The following DAP variants were observed in gnomAD, a reference collection of about 807,000 sequenced individuals.
DAP encodes death-associated protein 1.
Under a neutral mutation model 13.8 loss-of-function variants are expected in DAP, and 8 were observed. The observed-to-expected ratio is 0.58, with a 90% CI of 0.34 to 1.05. The LOEUF (loss-of-function observed/expected upper bound fraction) is 1.05, where lower values mean the gene tolerates loss of function less well. Ranked by LOEUF, DAP falls within the 50% of genes least tolerant of loss-of-function variation. The probability of loss-of-function intolerance (pLI) is 0.03; values close to 1 mark genes in which losing one functional copy is unlikely to be tolerated. For missense variants in DAP, 106 were observed against 133.2 expected, an observed-to-expected ratio of 0.80 and a Z score of 1.01; for synonymous variants, 47 against 47.5, an observed-to-expected ratio of 0.99 and a Z score of 0.04.
At chr5:10,697,571 G>A (rs1355296526) in intron 2 of DAP, among the ~76,000 whole-genome samples, 2 of 152,092 alleles carry the variant, frequency 1.3e-5, no homozygotes, top group Non-Finnish European at 2.9e-5. Context: ...TCAGGCTCAA[G>A]GGTCATGTTA....
At chr5:10,744,912 G>A (rs1307925300) in intron 2 of DAP, among the ~76,000 whole-genome samples, 2 of 152,164 alleles carry the variant, frequency 1.3e-5, no homozygotes, top group Non-Finnish European at 2.9e-5. Context: ...GTGTGCCCTC[G>A]GAAAAGTCAC....
chr5:10,713,683 G>A (rs1045347606), intron 2 of DAP, among the ~76,000 whole-genome samples: 1 of 152,210 alleles, frequency 6.6e-6, no homozygotes, highest in African/African-American at 2.4e-5. Context: ...AGAGGCTGAG[G>A]TAAAGCTGGA....
Position 10,761,144 on chromosome 5 carries a change from G to A in DAP, c.-76C>T, listed in dbSNP as rs909917101. The A allele has an allele frequency of 4.6e-6, 4 of 871,490 alleles. No homozygotes were observed. The African/African-American group carries it at 5.4e-5, about 12-fold the overall frequency. 54.0% of individuals were successfully genotyped at this position (871,490 alleles called of 1,614,324 possible). On this transcript the variant is annotated 5_prime_UTR_variant, in exon 1 of 4. Coordinates refer to ENST00000230895, the MANE Select transcript of DAP (RefSeq NM_004394.3). ...GGGCGGGCGTGCGCGAGTGAGCTCAGGTGTGAGCGCCGGGGAGCGAGCGGG... is the reference window on the plus strand; with the variant it reads ...GGGCGGGCGTGCGCGAGTGAGCTCAAGTGTGAGCGCCGGGGAGCGAGCGGG...
chr5:10,695,180 C>T (rs1364799024), intron 2 of DAP, among the ~76,000 whole-genome samples: 1 of 152,210 alleles, frequency 6.6e-6, no homozygotes, highest in Non-Finnish European at 1.5e-5. Context: ...GTGTGACAGT[C>T]GAGGCTGTCT....
intron 2 of DAP, among the ~76,000 whole-genome samples, chr5:10,735,869 G>A (rs1739597886): frequency 6.6e-6 from 1 of 152,210 alleles, no homozygotes; most frequent in Non-Finnish European, 1.5e-5. Flanking sequence ...CTTGCTTGTT[G>A]TGGGTTGAAT....
chr5:10,705,983 G>C (rs967357437), intron 2 of DAP, among the ~76,000 whole-genome samples: 4 of 152,198 alleles, frequency 2.6e-5, no homozygotes, highest in Admixed American at 2.6e-4. Flanking sequence ...ATTTTAGGTA[G>C]ATGAGAAAGA....
In DAP at chr5:10,707,480, G is replaced by A. The variant is rs965410120; in HGVS notation, c.153-23909C>T. Among the ~76,000 whole-genome samples, 7 of 151,944 alleles carry A rather than the reference G, an allele frequency of 4.6e-5. No homozygotes were observed. Among genetic ancestry groups the A allele is most frequent in the African/African-American group, 1.7e-4 (7 of 41,342 alleles). On this transcript the variant is annotated intron_variant, in intron 2 of 3. Transcript: ENST00000230895. This position sits in a 1 kb window ranked among gnomAD's most constrained non-coding sequence, Gnocchi z 4.0. ...TGGTGTGATGCACGGGTGATGTGGT[G>A]CATAAACTATGTGGTGCACAGGCAG...
At chr5:10,689,978 G>C (rs1002942518) in intron 2 of DAP, among the ~76,000 whole-genome samples, 8 of 152,268 alleles carry the variant, frequency 5.3e-5, no homozygotes, top group Admixed American at 2.6e-4. Flanking sequence ...CAACATGAAG[G>C]CCTGAGACTT....
At chr5:10,734,946 G>C (rs1214552585) in intron 2 of DAP, among the ~76,000 whole-genome samples, 1 of 152,154 alleles carries the variant, frequency 6.6e-6, no homozygotes, top group East Asian at 1.9e-4. Context: ...CCGGCCTCCT[G>C]GTCCTGAGAG....
chr5:10,760,978 C>T (rs1341979034), intron 1 of DAP, 36 bp downstream of exon 1: 1 of 1,202,556 alleles, frequency 8.3e-7, no homozygotes. Context: ...CCGCCCCCGG[C>T]ACCCGCGCGT....
intron 2 of DAP, among the ~76,000 whole-genome samples, chr5:10,724,219 G>A (rs190026824): frequency 2.6e-5 from 4 of 152,144 alleles, no homozygotes; most frequent in Admixed American, 6.6e-5. Flanking sequence ...AATGCAGATG[G>A]CCTCAGTGAG....
At position 10,707,328 on chromosome 5, in the gene DAP, G is replaced by A. The variant is rs1267630708; in HGVS notation, c.153-23757C>T. On this transcript the variant is annotated intron_variant, in intron 2 of 3. Coordinates refer to ENST00000230895, the MANE Select transcript of DAP (RefSeq NM_004394.3). This position sits in a 1 kb window ranked among gnomAD's most constrained non-coding sequence, Gnocchi z 4.0. ...AGACATGTGGGTGGGTTCGGGAATG[G>A]GAGAACTGCCCAAGGGTGCATTCTG... 6.6e-6 allele frequency among the ~76,000 whole-genome samples: 1 copy of A among 152,192 alleles called. No individual in the cohort carries two copies. Among genetic ancestry groups the A allele is most frequent in the Admixed American group, 6.5e-5 (1 of 15,272 alleles).
At chr5:10,717,449 G>A (rs1217898877) in intron 2 of DAP, among the ~76,000 whole-genome samples, 2 of 152,156 alleles carry the variant, frequency 1.3e-5, no homozygotes, top group Non-Finnish European at 2.9e-5. Context: ...TGATGAAGCT[G>A]GGCACACTGA....
At chr5:10,730,545 T>C (rs112736784) in intron 2 of DAP, among the ~76,000 whole-genome samples, 9,156 of 139,786 alleles carry the variant, frequency 0.066, 378 homozygotes, top group African/African-American at 0.14. Context: ...AGAGCCCTGG[T>C]AGGGGGAATC....
At chr5:10,686,649 G>A (rs917492031) in intron 2 of DAP, among the ~76,000 whole-genome samples, 3 of 152,186 alleles carry the variant, frequency 2.0e-5, no homozygotes, top group African/African-American at 4.8e-5. Context: ...GGCTAAGAGA[G>A]GTGAGGAAGC....
intron 2 of DAP, among the ~76,000 whole-genome samples, chr5:10,713,483 C>T (rs1028437424): frequency 3.9e-5 from 6 of 152,222 alleles, no homozygotes; most frequent in African/African-American, 1.4e-4. Context: ...AACAGCCATT[C>T]ATAACGTGCT....
chr5:10,729,131 G>A (rs560109997), intron 2 of DAP, among the ~76,000 whole-genome samples: 1 of 152,302 alleles, frequency 6.6e-6, no homozygotes, highest in Admixed American at 6.5e-5. Context: ...CACAAAGAGT[G>A]TAGGTTTCAA....
chr5:10,749,300 G>A lies in DAP; in HGVS notation c.56-1029C>T, dbSNP rs146700712. Among the ~76,000 whole-genome samples the A allele has an allele frequency of 2.2e-3, 328 of 152,250 alleles. 2 individuals are homozygous for A. The highest frequency in any genetic ancestry group is 9.1e-3 in the East Asian group (47 of 5,176). ...CACGTAAGTTTTTGTATGGACATATGTTTTCATTTCCTTGAGTATATACCG... is the reference window on the plus strand; with the variant it reads ...CACGTAAGTTTTTGTATGGACATATATTTTCATTTCCTTGAGTATATACCG... On this transcript the variant is annotated intron_variant, in intron 1 of 3. Coordinates refer to ENST00000230895, the MANE Select transcript of DAP (RefSeq NM_004394.3).
chr5:10,757,950 C>T lies in DAP; in HGVS notation c.55+3064G>A, dbSNP rs544136337. Among the ~76,000 whole-genome samples, 24 of 152,044 alleles carry T rather than the reference C, an allele frequency of 1.6e-4. No homozygotes were observed. In the South Asian group the frequency reaches 4.4e-3, roughly 28 times the overall value. On this transcript the variant is annotated intron_variant, in intron 1 of 3. Transcript: ENST00000230895. ...AGGCAGAGAGGCGAAGGTTAGTGCA[C>T]GAAGGAAAACAAGGGGATTGCGGGG...
Sources: allele counts gnomAD v4.1 joint callset (sites outside exome capture counted in the v4.1 genomes callset), GRCh38; gene constraint gnomAD v4.1.1; non-coding constraint Gnocchi (gnomAD v3.1); transcripts MANE v1.5; gene names NCBI Gene and HGNC (gene_info 2026-07-23, HGNC 2026-07-21).